FAM117B: variants seen among roughly 807,000 people sequenced by gnomAD.
The protein encoded by FAM117B is protein FAM117B.
Under a neutral mutation model 52.8 loss-of-function variants are expected in FAM117B, and 22 were observed. The ratio of observed to expected loss-of-function variants is 0.42; its 90% CI spans 0.30 to 0.59. The LOEUF is 0.59. Ranked by LOEUF, FAM117B falls within the 20% of genes least tolerant of loss-of-function variation. The pLI is 0.22. For synonymous variants in FAM117B, 309 were observed against 324.1 expected, an observed-to-expected ratio of 0.95 and a Z score of 0.50; for missense variants, 678 against 802.6, an observed-to-expected ratio of 0.84 and a Z score of 1.88.
chr2:202,744,149 C>T (rs973856593), intron 4 of FAM117B, among the ~76,000 whole-genome samples: 1 of 147,986 alleles, frequency 6.8e-6, no homozygotes, highest in African/African-American at 2.4e-5. Flanking sequence ...AGAGAATCCC[C>T]GTCTGTCTTA....
intron 1 of FAM117B, among the ~76,000 whole-genome samples, chr2:202,690,522 A>C (rs979707924): frequency 1.3e-5 from 2 of 152,196 alleles, no homozygotes; most frequent in African/African-American, 2.4e-5. Flanking sequence ...CCAGTGAACT[A>C]TGAGTTCGGG....
chr2:202,643,065 T>G (rs2105752509), intron 1 of FAM117B, among the ~76,000 whole-genome samples: 1 of 152,208 alleles, frequency 6.6e-6, no homozygotes, highest in South Asian at 2.1e-4. Context: ...TGAGAGAAAG[T>G]AGTTTGAGAA....
intron 2 of FAM117B, among the ~76,000 whole-genome samples, chr2:202,724,051 C>CT (rs34063266): frequency 0.83 from 74,654 of 89,972 alleles, 31,680 homozygotes; most frequent in South Asian, 0.9. Flanking sequence ...TAAGGTTTAA[C>CT]TTTTTTTTTT....
intron 1 of FAM117B, among the ~76,000 whole-genome samples, chr2:202,663,746 G>T (rs1690164227): frequency 6.6e-6 from 1 of 152,010 alleles, no homozygotes; most frequent in African/African-American, 2.4e-5. Context: ...GCCACACCCA[G>T]CTAAGTTTTG....
chr2:202,647,447 C>G (rs1239442245), intron 1 of FAM117B, among the ~76,000 whole-genome samples: 3 of 152,002 alleles, frequency 2.0e-5, no homozygotes, highest in Admixed American at 1.3e-4. Context: ...TTTTTCTGTA[C>G]AAATACTCAG....
chr2:202,692,422 A>G (rs1197156130), intron 1 of FAM117B, among the ~76,000 whole-genome samples: 1 of 152,212 alleles, frequency 6.6e-6, no homozygotes, highest in African/African-American at 2.4e-5. Flanking sequence ...GTAAAATTTT[A>G]GACTTTACAG....
intron 1 of FAM117B, among the ~76,000 whole-genome samples, chr2:202,644,062 T>TTG (rs61023989): frequency 7.4e-6 from 1 of 134,424 alleles, no homozygotes; most frequent in African/African-American, 2.9e-5. Context: ...TGTTTTTTTT[T>TTG]TGTTTTTTTT....
At chr2:202,750,570 C>T (rs185090257) in intron 4 of FAM117B, among the ~76,000 whole-genome samples, 2 of 152,300 alleles carry the variant, frequency 1.3e-5, no homozygotes, top group Admixed American at 6.5e-5. Context: ...TGTCCAAATA[C>T]AGCCACATTG....
intron 1 of FAM117B, among the ~76,000 whole-genome samples, chr2:202,679,088 A>G (rs1009938754): frequency 2.0e-5 from 3 of 152,206 alleles, no homozygotes; most frequent in Non-Finnish European, 2.9e-5. Flanking sequence ...AGAGACTTCT[A>G]TTTCTGGCCA....
intron 7 of FAM117B, among the ~76,000 whole-genome samples, chr2:202,763,214 G>GGA (rs1691923797): frequency 6.6e-6 from 1 of 151,774 alleles, no homozygotes; most frequent in Non-Finnish European, 1.5e-5. Flanking sequence ...TGGGACTACA[G>GGA]GCATCCGCCA....
chr2:202,664,767 T>G (rs941534284), intron 1 of FAM117B, among the ~76,000 whole-genome samples: 1 of 152,170 alleles, frequency 6.6e-6, no homozygotes, highest in African/African-American at 2.4e-5. Flanking sequence ...CGTAGTAGTT[T>G]TGGCCTCGCT....
rs140222767 is a variant in FAM117B at position 202,757,251 on chromosome 2, C to T, written c.1143C>T (p.Pro381=). ...DIPDGHRAPP[P]LVQRSSSTRS... is the part of the protein sequence containing the mutation. Reference sequence around the variant, plus strand: ...CAGATGGCCATCGTGCTCCACCCCCCCTTGTACAGAGAAGTAGCAGCACGC... The same window carrying T: ...CAGATGGCCATCGTGCTCCACCCCCTCTTGTACAGAGAAGTAGCAGCACGC... The change falls in exon 6 of 8, where the codon CCC becomes CCT. Residue 381 remains proline, a synonymous_variant. Coordinates refer to ENST00000392238, the MANE Select transcript of FAM117B (RefSeq NM_173511.4). The T allele has an allele frequency of 1.9e-6, 3 of 1,614,034 alleles. No homozygotes were observed. In the African/African-American group the frequency reaches 4.0e-5, roughly 22 times the overall value.
At chr2:202,651,490 G>A (rs908371056) in intron 1 of FAM117B, among the ~76,000 whole-genome samples, 7 of 150,766 alleles carry the variant, frequency 4.6e-5, no homozygotes, top group East Asian at 2.0e-4. Flanking sequence ...CTCCTGCCTC[G>A]GCCTCCTGAG....
intron 2 of FAM117B, among the ~76,000 whole-genome samples, chr2:202,720,401 G>A (rs531767717): frequency 5.1e-5 from 6 of 118,324 alleles, no homozygotes; most frequent in South Asian, 4.8e-4. Context: ...TTTACCTGTC[G>A]TGTGTGTGTG....
chr2:202,688,893 A>T (rs1156584010), intron 1 of FAM117B, among the ~76,000 whole-genome samples: 1 of 152,224 alleles, frequency 6.6e-6, no homozygotes, highest in African/African-American at 2.4e-5. Context: ...GTCTAAAAGG[A>T]TACCTATCTG....
intron 4 of FAM117B, among the ~76,000 whole-genome samples, chr2:202,750,182 G>GGT (rs1203989261): frequency 6.6e-6 from 1 of 152,114 alleles, no homozygotes; most frequent in African/African-American, 2.4e-5. Context: ...GTGTCCTCTT[G>GGT]GACCGGGGCT....
chr2:202,685,690 T>C (rs1482498559), intron 1 of FAM117B, among the ~76,000 whole-genome samples: 12 of 152,248 alleles, frequency 7.9e-5, no homozygotes, highest in Non-Finnish European at 1.8e-4. Context: ...GGAGAAAGAA[T>C]AGTATTTTCC....
intron 2 of FAM117B, among the ~76,000 whole-genome samples, chr2:202,722,007 ATTT>A (rs57678317): frequency 3.1e-5 from 4 of 128,598 alleles, no homozygotes; most frequent in Admixed American, 1.7e-4. Flanking sequence ...TAAAGATACA[ATTT>A]TTTTTTTTTT....
At chr2:202,727,727 T>C (rs902388935) in intron 4 of FAM117B, among the ~76,000 whole-genome samples, 13 of 152,280 alleles carry the variant, frequency 8.5e-5, no homozygotes, top group Non-Finnish European at 1.6e-4. Context: ...GGTCCTGTCC[T>C]GGAACCAGTC....
Sources: gnomAD v4.1 joint callset for allele counts (sites outside exome capture counted in the v4.1 genomes callset) on GRCh38, gnomAD v4.1.1 for gene constraint, MANE v1.5 for transcripts, NCBI Gene and HGNC (gene_info 2026-07-23, HGNC 2026-07-21) for gene names.